Variants in MGAT4C observed in about 807,000 individuals in gnomAD.
MGAT4C encodes the protein MGAT4 family member C.
MGAT4C carries 19 observed loss-of-function variants against 40.1 expected under a neutral mutation model. The ratio of observed to expected loss-of-function variants is 0.47; its 90% confidence interval spans 0.33 to 0.70. The LOEUF is 0.70. MGAT4C is among the 30% of genes least tolerant of loss of function. The pLI is 0.02. For missense variants in MGAT4C, 491 were observed against 563.2 expected (o/e 0.87, Z 1.30); for synonymous variants, 181 against 187.1 (o/e 0.97, Z 0.27).
intron 2 of MGAT4C, among the ~76,000 whole-genome samples, chr12:86,595,948 G>A (rs952145313): frequency 6.6e-6 from 1 of 150,528 alleles, no homozygotes; most frequent in African/African-American, 2.4e-5. Flanking sequence ...AGAGGCATCA[G>A]TTAAATGACT....
chr12:86,333,533 A>C (rs1954720257), intron 4 of MGAT4C, among the ~76,000 whole-genome samples: 2 of 152,212 alleles, frequency 1.3e-5, no homozygotes, highest in South Asian at 4.1e-4. Flanking sequence ...AACAGTGAGC[A>C]GAGATGGCCA....
chr12:86,663,517 A>G (rs1964030944), intron 2 of MGAT4C, among the ~76,000 whole-genome samples: 2 of 152,170 alleles, frequency 1.3e-5, no homozygotes, highest in South Asian at 4.1e-4. Context: ...TTTGCCTCCA[A>G]GGTAAGAAAA....
chr12:86,181,241 T>C (rs1050349871), intron 1 of MGAT4C, among the ~76,000 whole-genome samples: 2 of 152,120 alleles, frequency 1.3e-5, no homozygotes, highest in African/African-American at 4.8e-5. Context: ...CAATTAAACC[T>C]CTTTTTGTTC....
intron 2 of MGAT4C, among the ~76,000 whole-genome samples, chr12:86,490,323 A>T (rs1958108090): frequency 6.6e-6 from 1 of 152,152 alleles, no homozygotes; most frequent in Non-Finnish European, 1.5e-5. Flanking sequence ...CAGGCAAACT[A>T]AGCTTCATAA....
intron 2 of MGAT4C, among the ~76,000 whole-genome samples, chr12:86,030,253 A>G (rs1456726095): frequency 6.6e-6 from 1 of 151,792 alleles, no homozygotes; most frequent in East Asian, 1.9e-4. Context: ...GGTTAAAAAA[A>G]TTTATGTGAA....
chr12:86,319,860 A>G (rs918121641), intron 4 of MGAT4C, among the ~76,000 whole-genome samples: 1 of 152,080 alleles, frequency 6.6e-6, no homozygotes, highest in African/African-American at 2.4e-5. Flanking sequence ...ATATTTTAGG[A>G]TTCAATAAAT....
chr12:86,603,768 AAT>A (rs1407087958), intron 2 of MGAT4C, among the ~76,000 whole-genome samples: 4 of 102,554 alleles, frequency 3.9e-5, no homozygotes, highest in Non-Finnish European at 5.6e-5. Context: ...TATATAGTAT[AAT>A]TATATATACT....
At chr12:86,350,021 C>G (rs183730928) in intron 3 of MGAT4C, among the ~76,000 whole-genome samples, 315 of 151,732 alleles carry the variant, frequency 2.1e-3, no homozygotes, top group Non-Finnish European at 3.6e-3. Flanking sequence ...TAAGATGATA[C>G]AACCAAAAAC....
intron 1 of MGAT4C, among the ~76,000 whole-genome samples, chr12:86,080,642 TA>T (rs1211800427): frequency 2.6e-5 from 4 of 152,116 alleles, no homozygotes. Context: ...ATTCAACTGG[TA>T]TCAAGACATT....
intron 1 of MGAT4C, among the ~76,000 whole-genome samples, chr12:86,150,779 G>A (rs970168110): frequency 3.3e-5 from 5 of 152,164 alleles, no homozygotes. Context: ...AAAGGGAAAA[G>A]GTGCAAGGTG....
intron 1 of MGAT4C, among the ~76,000 whole-genome samples, chr12:86,783,851 G>T (rs924333066): frequency 6.6e-6 from 1 of 152,032 alleles, no homozygotes; most frequent in African/African-American, 2.4e-5. Flanking sequence ...AGTAGTACTG[G>T]CCGACTATTT....
At chr12:86,218,198 G>T (rs539680397) in intron 1 of MGAT4C, among the ~76,000 whole-genome samples, 3 of 152,094 alleles carry the variant, frequency 2.0e-5, no homozygotes, top group Admixed American at 6.5e-5. Flanking sequence ...ACTCAAGAAA[G>T]TTAAATCCTA....
intron 1 of MGAT4C, among the ~76,000 whole-genome samples, chr12:86,130,517 T>C (rs1170422770): frequency 1.3e-5 from 2 of 152,138 alleles, no homozygotes; most frequent in Admixed American, 1.3e-4. Context: ...TACAAATGGC[T>C]GACTTGAACA....
chr12:86,484,966 TA>T (rs1334363300), intron 2 of MGAT4C, among the ~76,000 whole-genome samples: 1 of 152,150 alleles, frequency 6.6e-6, no homozygotes, highest in Non-Finnish European at 1.5e-5. Context: ...CACCATCTAC[TA>T]GATTACAGTT....
chr12:86,057,291 G>A (rs990691988), intron 1 of MGAT4C, among the ~76,000 whole-genome samples: 2 of 151,978 alleles, frequency 1.3e-5, no homozygotes, highest in Admixed American at 6.6e-5. Flanking sequence ...AGTATCTACC[G>A]TTTTGGTCTT....
chr12:86,643,162 ACT>A lies in MGAT4C; in HGVS notation c.-229+84045_-229+84046del, dbSNP rs143259866. Among the ~76,000 whole-genome samples, 477 of 151,736 alleles carry A rather than the reference ACT, an allele frequency of 3.1e-3. 1 individual carries two copies. The highest frequency in any genetic ancestry group is 0.011 in the African/African-American group (461 of 41,472). ...TAGCAAGGGAGATAGAGATGGCCAA[ACT>A]CGCTTTTATAACAAGCCCACTGCTG... On this transcript the variant is annotated intron_variant, in intron 2 of 7. Transcript: ENST00000548651.
chr12:86,013,998 A>G (rs1460201094), intron 2 of MGAT4C, among the ~76,000 whole-genome samples: 4 of 152,168 alleles, frequency 2.6e-5, no homozygotes, highest in Non-Finnish European at 5.9e-5. Flanking sequence ...CTGCTGACCA[A>G]TAAAACACAA....
chr12:86,827,701 G>A (rs1479597193), intron 1 of MGAT4C, among the ~76,000 whole-genome samples: 1 of 151,328 alleles, frequency 6.6e-6, no homozygotes, highest in East Asian at 1.9e-4. Context: ...TCATATGTTT[G>A]ATTGTCTGAT....
At chr12:86,688,991 A>T (rs548678145) in intron 2 of MGAT4C, among the ~76,000 whole-genome samples, 1 of 152,250 alleles carries the variant, frequency 6.6e-6, no homozygotes, top group African/African-American at 2.4e-5. Flanking sequence ...CCAATCAAAC[A>T]TAGGTTTGGT....
Sources: gnomAD v4.1 joint callset for allele counts (sites outside exome capture counted in the v4.1 genomes callset) on GRCh38, gnomAD v4.1.1 for gene constraint, MANE v1.5 for transcripts, NCBI Gene and HGNC (gene_info 2026-07-23, HGNC 2026-07-21) for gene names.